The following ESR2 variants were observed in gnomAD, a reference collection of about 807,000 sequenced individuals.
ESR2 encodes the protein estrogen receptor 2.
ESR2 carries 36 observed loss-of-function variants against 49.6 expected under a neutral mutation model. That is an observed-to-expected ratio of 0.73 (90% CI 0.56 to 0.96). The LOEUF is 0.96. Among genes scored for constraint, ESR2 ranks in the 40% least tolerant of loss-of-function variants. The probability of loss-of-function intolerance (pLI) is 0.00; values close to 1 mark genes in which losing one functional copy is unlikely to be tolerated. For missense variants in ESR2, 714 were observed against 693.0 expected (o/e 1.03, Z -0.34); for synonymous variants, 320 against 266.1 (o/e 1.20, Z -1.97).
intron 1 of ESR2, among the ~76,000 whole-genome samples, chr14:64,300,462 T>C (rs553276251): frequency 6.6e-6 from 1 of 152,190 alleles, no homozygotes; most frequent in African/African-American, 2.4e-5. Context: ...ATTTTCACCT[T>C]AAAATTTTTC....
downstream of ESR2, chr14:64,228,021 T>A (rs778068290): frequency 2.0e-6 from 3 of 1,506,128 alleles, no homozygotes; most frequent in Non-Finnish European, 2.6e-6. Flanking sequence ...TTTTGTGAGC[T>A]GCATTTTACT....
At chr14:64,235,278 C>T (rs2075571694) in intron 7 of ESR2, 128 bp from the exon 8 acceptor site, 2 of 934,378 alleles carry the variant, frequency 2.1e-6, no homozygotes, top group Non-Finnish European at 1.6e-6. Context: ...GTGGCAGGAG[C>T]TTATAAGCAT....
chr14:64,235,781 G>C (rs1250259228), intron 7 of ESR2, among the ~76,000 whole-genome samples: 1 of 152,144 alleles, frequency 6.6e-6, no homozygotes, highest in African/African-American at 2.4e-5. Context: ...AACGCATGCA[G>C]GAACACATCT....
chr14:64,277,625 C>CA (rs55742946), intron 3 of ESR2, among the ~76,000 whole-genome samples: 8,472 of 89,302 alleles, frequency 0.095, 229 homozygotes, highest in East Asian at 0.12. Context: ...ACTCCATCTC[C>CA]AAAAAAAAAA....
rs2098730834 is a variant in ESR2, at chr14:64,234,792, TTCCATGCCCAC to T, written c.1406+167_1406+177del. The stretch of plus-strand genomic sequence containing the variant: ...CCTGTAAGATACCACATGACATTCC[TTCCATGCCCAC>T]TCTGTGCCCATCTTTGCTTACAGGT... On this transcript the variant is annotated intron_variant, in intron 8 of 8. Coordinates refer to ENST00000341099, the MANE Select transcript of ESR2 (RefSeq NM_001437.3). 5 of 1,353,852 alleles carry T rather than the reference TTCCATGCCCAC, an allele frequency of 3.7e-6. No individual in the cohort carries two copies. The East Asian group carries it at 1.3e-4, about 34-fold the overall frequency. 83.9% of individuals were successfully genotyped at this position (1,353,852 alleles called of 1,614,324 possible).
intron 1 of ESR2, among the ~76,000 whole-genome samples, chr14:64,311,011 C>T (rs2077182130): frequency 2.0e-5 from 3 of 152,204 alleles, no homozygotes; most frequent in Admixed American, 2.0e-4. Flanking sequence ...TACATCCTTC[C>T]CCGCAAAATG....
At chr14:64,273,562 A>G (rs2076493241) in intron 3 of ESR2, among the ~76,000 whole-genome samples, 1 of 152,180 alleles carries the variant, frequency 6.6e-6, no homozygotes, top group Admixed American at 6.5e-5. Flanking sequence ...AATTGAAATT[A>G]TATGGTTTTC....
At chr14:64,315,442 C>A (rs1348310381) in intron 1 of ESR2, among the ~76,000 whole-genome samples, 2 of 151,722 alleles carry the variant, frequency 1.3e-5, no homozygotes, top group Non-Finnish European at 2.9e-5. Context: ...CTACAATCAT[C>A]CAATATTAAG....
chr14:64,265,006 G>T (rs1034531555), intron 4 of ESR2, among the ~76,000 whole-genome samples: 1 of 152,102 alleles, frequency 6.6e-6, no homozygotes, highest in Admixed American at 6.5e-5. Context: ...CAAAGTGAGA[G>T]ATTTTGAATT....
chr14:64,281,276 G>A (rs2076662012), intron 2 of ESR2, among the ~76,000 whole-genome samples: 2 of 152,140 alleles, frequency 1.3e-5, no homozygotes, highest in South Asian at 4.1e-4. Context: ...AACACATCTG[G>A]CTAGTTCCTG....
At chr14:64,280,195 G>A in intron 2 of ESR2, 42 bp from the exon 3 acceptor site, 1 of 1,446,160 alleles carries the variant, frequency 6.9e-7, no homozygotes, top group South Asian at 1.2e-5. Flanking sequence ...AGCATAAAAG[G>A]GAAAGGAAGG....
chr14:64,331,787 C>T (rs2077462390), intron 1 of ESR2, among the ~76,000 whole-genome samples: 2 of 144,712 alleles, frequency 1.4e-5, no homozygotes, highest in Non-Finnish European at 3.0e-5. Flanking sequence ...CATGCCATTG[C>T]ACTCCAGCCC....
intron 1 of ESR2, among the ~76,000 whole-genome samples, chr14:64,292,953 G>C (rs575841852): frequency 5.3e-5 from 8 of 152,298 alleles, no homozygotes; most frequent in African/African-American, 1.9e-4. Flanking sequence ...CAAGACTTAA[G>C]TGTTAACAAG....
chr14:64,285,734 A>G (rs2076772848), intron 1 of ESR2, among the ~76,000 whole-genome samples: 1 of 151,642 alleles, frequency 6.6e-6, no homozygotes, highest in African/African-American at 2.4e-5. Flanking sequence ...AGGCTAAGAC[A>G]TGAGAATCAC....
intron 1 of ESR2, among the ~76,000 whole-genome samples, chr14:64,293,469 T>A (rs75655276): frequency 0.039 from 5,933 of 152,294 alleles, 186 homozygotes; most frequent in Non-Finnish European, 0.062. Flanking sequence ...AAAATGACAT[T>A]CACTTGACTT....
At chr14:64,247,332 AAAAC>A (rs143367822) in intron 7 of ESR2, among the ~76,000 whole-genome samples, 33,251 of 151,254 alleles carry the variant, frequency 0.22, 6,355 homozygotes, top group African/African-American at 0.52. Flanking sequence ...GCTCTGTCTC[AAAAC>A]AAACAAACAA....
chr14:64,283,506 C>T (rs2076722300), intron 1 of ESR2, among the ~76,000 whole-genome samples: 1 of 152,032 alleles, frequency 6.6e-6, no homozygotes, highest in Non-Finnish European at 1.5e-5. Context: ...CGCCTGTAAT[C>T]CCAATACTTT....
At chr14:64,279,731 C>A (rs1283533458) in intron 3 of ESR2, among the ~76,000 whole-genome samples, 1 of 152,238 alleles carries the variant, frequency 6.6e-6, no homozygotes, top group African/African-American at 2.4e-5. Flanking sequence ...TTCTATCCAA[C>A]ACCCATGTGG....
At chr14:64,254,744 C>T (rs1207793777) in intron 6 of ESR2, among the ~76,000 whole-genome samples, 3 of 150,776 alleles carry the variant, frequency 2.0e-5, no homozygotes, top group Non-Finnish European at 4.4e-5. Context: ...GGTGACAGAG[C>T]GAGACTCCAT....
Sources: gnomAD v4.1 joint callset for allele counts (sites outside exome capture counted in the v4.1 genomes callset) on GRCh38, gnomAD v4.1.1 for gene constraint, MANE v1.5 for transcripts, NCBI Gene and HGNC (gene_info 2026-07-23, HGNC 2026-07-21) for gene names.